Variants in SLC24A2 observed in about 807,000 individuals in gnomAD.
SLC24A2 encodes solute carrier family 24 member 2.
In SLC24A2, 36 loss-of-function variants were observed where a neutral mutation model predicts 62.0. That is an observed-to-expected ratio of 0.58 (90% CI 0.44 to 0.77). The LOEUF is 0.77. Among genes scored for constraint, SLC24A2 ranks in the 30% least tolerant of loss-of-function variants. The pLI, the probability that SLC24A2 is intolerant of heterozygous loss-of-function variation, is 0.00. For missense variants in SLC24A2, 846 were observed against 817.9 expected (o/e 1.03, Z -0.42); for synonymous variants, 358 against 294.0 (o/e 1.22, Z -2.23).
intron 2 of SLC24A2, among the ~76,000 whole-genome samples, chr9:19,732,207 C>T (rs1821360533): frequency 6.6e-6 from 1 of 152,172 alleles, no homozygotes; most frequent in Admixed American, 6.5e-5. Flanking sequence ...GCCCCTGACC[C>T]CTAGTGGGCA....
chr9:20,067,735 C>T, the SLC24A2 span, among the ~76,000 whole-genome samples: 294 of 152,228 alleles, frequency 1.9e-3, 3 homozygotes, highest in Admixed American at 0.015. Context: ...TTTATGGCTG[C>T]GTAGAACTCC....
the SLC24A2 span, among the ~76,000 whole-genome samples, chr9:20,217,016 C>T: frequency 6.6e-6 from 1 of 151,962 alleles, no homozygotes. Flanking sequence ...CATTTGCTCA[C>T]CAAAAGTCAA....
chr9:19,734,367 G>A (rs989464360), intron 2 of SLC24A2, among the ~76,000 whole-genome samples: 15 of 152,222 alleles, frequency 9.9e-5, no homozygotes, highest in Non-Finnish European at 2.2e-4. Flanking sequence ...TTGGCAATGC[G>A]GGCTCTTTTT....
At chr9:20,139,266 A>T in the SLC24A2 span, among the ~76,000 whole-genome samples, 1 of 152,236 alleles carries the variant, frequency 6.6e-6, no homozygotes, top group African/African-American at 2.4e-5. Context: ...GACTGCCTGT[A>T]TTAAAATCCC....
intron 4 of SLC24A2, 102 bp from the exon 5 acceptor site, chr9:19,597,381 C>A: frequency 1.2e-6 from 1 of 837,578 alleles, no homozygotes; most frequent in South Asian, 1.4e-5. Flanking sequence ...GTTATACTGT[C>A]AAATTTTGCA....
At chr9:20,038,636 A>G in the SLC24A2 span, among the ~76,000 whole-genome samples, 2 of 151,964 alleles carry the variant, frequency 1.3e-5, no homozygotes, top group African/African-American at 4.8e-5. Context: ...AACAAACAAA[A>G]AAAAAAAAAA....
chr9:19,849,530 T>C, the SLC24A2 span, among the ~76,000 whole-genome samples: 1 of 152,148 alleles, frequency 6.6e-6, no homozygotes, highest in African/African-American at 2.4e-5. Context: ...GACTAGTTTG[T>C]GAATGTTTCA....
In SLC24A2 at chr9:19,546,464, C is replaced by T. The variant is rs141798767; in HGVS notation, c.1479+3673G>A. Among the ~76,000 whole-genome samples, 393 of 152,264 alleles carry T rather than the reference C, an allele frequency of 2.6e-3. 1 individual carries two copies. The highest frequency in any genetic ancestry group is 0.017 in the Middle Eastern group (5 of 294). ...AGTGGGCTCCACCCAGTTTGAACTTCCCGGTGGCTTTGTTTACACTGTCAG... is the reference window on the plus strand; with the variant it reads ...AGTGGGCTCCACCCAGTTTGAACTTTCCGGTGGCTTTGTTTACACTGTCAG... On this transcript the variant is annotated intron_variant, in intron 8 of 10. Transcript: ENST00000341998.
At chr9:19,928,853 C>T in the SLC24A2 span, 1 of 152,108 alleles carries the variant, frequency 6.6e-6, no homozygotes, top group Non-Finnish European at 1.5e-5. Flanking sequence ...AAATAAAATT[C>T]TTTAACACAG....
chr9:20,283,338 A>T, the SLC24A2 span, among the ~76,000 whole-genome samples: 2 of 152,174 alleles, frequency 1.3e-5, no homozygotes, highest in African/African-American at 4.8e-5. Flanking sequence ...AGTTCAGACT[A>T]CCTAAAGTGA....
the SLC24A2 span, among the ~76,000 whole-genome samples, chr9:20,156,659 C>T: frequency 1.3e-5 from 2 of 151,732 alleles, no homozygotes; most frequent in Non-Finnish European, 2.9e-5. Context: ...ACAGTGGCAT[C>T]CTACTGTTGT....
At chr9:19,931,514 T>C in the SLC24A2 span, among the ~76,000 whole-genome samples, 1 of 152,196 alleles carries the variant, frequency 6.6e-6, no homozygotes, top group Admixed American at 6.5e-5. Context: ...TATACAAACA[T>C]CATACTGACA....
the SLC24A2 span, among the ~76,000 whole-genome samples, chr9:19,980,988 C>T: frequency 2.0e-5 from 3 of 152,148 alleles, no homozygotes; most frequent in African/African-American, 7.2e-5. Flanking sequence ...ACTTTTATCT[C>T]CCCAAGAGGG....
the SLC24A2 span, among the ~76,000 whole-genome samples, chr9:19,839,196 A>G: frequency 3.3e-5 from 5 of 152,234 alleles, no homozygotes; most frequent in African/African-American, 9.6e-5. Flanking sequence ...ATGAGGTACC[A>G]TCTCACACCA....
chr9:19,880,494 G>C, the SLC24A2 span, among the ~76,000 whole-genome samples: 24 of 152,174 alleles, frequency 1.6e-4, no homozygotes, highest in African/African-American at 4.8e-4. Flanking sequence ...CTTTTTCTTA[G>C]CACATAGTAC....
the SLC24A2 span, among the ~76,000 whole-genome samples, chr9:20,009,038 C>T: frequency 6.6e-6 from 1 of 152,126 alleles, no homozygotes; most frequent in Non-Finnish European, 1.5e-5. Context: ...AGAAATGGTT[C>T]TCATTGAGCA....
the SLC24A2 span, among the ~76,000 whole-genome samples, chr9:19,904,145 C>G: frequency 1.3e-5 from 2 of 152,198 alleles, no homozygotes; most frequent in South Asian, 2.1e-4. Flanking sequence ...CCAGCAGCAT[C>G]AGCATCACTT....
In SLC24A2 at chr9:19,516,163, A is replaced by G. The variant is rs764046843; in HGVS notation, c.1976T>C (p.Val659Ala). The G allele has an allele frequency of 1.2e-6, 2 of 1,614,116 alleles. No homozygotes were observed. Among genetic ancestry groups the G allele is most frequent in the African/African-American group, 1.3e-5 (1 of 75,012 alleles). Residue 659 changes from valine (V) to alanine (A), a missense_variant, in exon 11 of 11, where the codon GTC becomes GCC. By Grantham distance (64) the Val-to-Ala change is moderately conservative. Coordinates refer to ENST00000341998, the MANE Select transcript of SLC24A2 (RefSeq NM_020344.4). The stretch of plus-strand genomic sequence containing the variant: ...ATATGGCTTTTCCTGCTAGATGGAG[A>G]CGGGGCATGTAAGAATTCTGTCTTC... ...LLEDRILTCPVSI is the reference protein window; with the variant it reads ...LLEDRILTCPASI
chr9:19,971,237 G>C, the SLC24A2 span, among the ~76,000 whole-genome samples: 1 of 152,178 alleles, frequency 6.6e-6, no homozygotes, highest in Non-Finnish European at 1.5e-5. Context: ...CAAAAAGAAT[G>C]TCTTAGCTGA....
Sources: allele counts gnomAD v4.1 joint callset (sites outside exome capture counted in the v4.1 genomes callset), GRCh38; gene constraint gnomAD v4.1.1; transcripts MANE v1.5; gene names NCBI Gene and HGNC (gene_info 2026-07-23, HGNC 2026-07-21).